The following NAV2 variants were observed in gnomAD, a reference collection of about 807,000 sequenced individuals.
NAV2 encodes the protein neuron navigator 2, also known as helicase, APC down-regulated 1.
Under a neutral mutation model 223.2 loss-of-function variants are expected in NAV2, and 54 were observed. The ratio of observed to expected loss-of-function variants is 0.24; its 90% CI spans 0.19 to 0.30. NAV2 has a LOEUF of 0.30. Ranked by LOEUF, NAV2 falls within the 10% of genes least tolerant of loss-of-function variation. The probability of loss-of-function intolerance (pLI) is 1.00; values close to 1 mark genes in which losing one functional copy is unlikely to be tolerated. For missense variants in NAV2, 2,806 were observed against 3,147.5 expected, an observed-to-expected ratio of 0.89 and a Z score of 2.60; for synonymous variants, 1,279 against 1,239.3, an observed-to-expected ratio of 1.03 and a Z score of -0.67.
intron 1 of NAV2, among the ~76,000 whole-genome samples, chr11:19,449,649 G>C (rs1851718553): frequency 6.6e-6 from 1 of 151,898 alleles, no homozygotes; most frequent in African/African-American, 2.4e-5. Flanking sequence ...GCACGGGGTG[G>C]GGTGCTTTTG....
intron 1 of NAV2, among the ~76,000 whole-genome samples, chr11:19,433,633 C>T (rs1333325896): frequency 1.3e-5 from 2 of 152,192 alleles, no homozygotes; most frequent in African/African-American, 4.8e-5. Context: ...ATGGACCAAG[C>T]ATTTTGTGAG....
At chr11:19,523,526 G>T (rs1478903036) in intron 1 of NAV2, among the ~76,000 whole-genome samples, 1 of 152,182 alleles carries the variant, frequency 6.6e-6, no homozygotes, top group African/African-American at 2.4e-5. Context: ...TTGAAGTTCT[G>T]CCTGAAGCTG....
At chr11:19,420,816 G>A (rs893288955) in intron 1 of NAV2, among the ~76,000 whole-genome samples, 1 of 152,278 alleles carries the variant, frequency 6.6e-6, no homozygotes, top group South Asian at 2.1e-4. Flanking sequence ...TTTTCTGGGT[G>A]CAGTTCAGTA....
At chr11:19,372,715 C>T (rs78502681) in intron 1 of NAV2, among the ~76,000 whole-genome samples, 2,214 of 152,224 alleles carry the variant, frequency 0.015, 60 homozygotes, top group African/African-American at 0.051. Flanking sequence ...GTGGAAAGAG[C>T]GGGCCTGAGA....
chr11:19,487,767 A>G (rs1259022564), intron 1 of NAV2, among the ~76,000 whole-genome samples: 7 of 152,168 alleles, frequency 4.6e-5, no homozygotes, highest in Non-Finnish European at 8.8e-5. Flanking sequence ...GTTTAGATGC[A>G]TCCACTTATA....
chr11:19,687,917 A>T (rs2152250673), intron 1 of NAV2, among the ~76,000 whole-genome samples: 1 of 152,336 alleles, frequency 6.6e-6, no homozygotes, highest in Middle Eastern at 3.4e-3. Flanking sequence ...GGTCATGCTT[A>T]GGGAAGTGTA....
At chr11:20,041,629 G>A (rs1165674649) in intron 12 of NAV2, among the ~76,000 whole-genome samples, 1 of 152,174 alleles carries the variant, frequency 6.6e-6, no homozygotes. Context: ...TTGAATGTAA[G>A]CTCCATGAGG....
chr11:20,011,409 T>C (rs2568124), intron 11 of NAV2, among the ~76,000 whole-genome samples: 149,984 of 152,354 alleles, frequency 0.98, 73,876 homozygotes, highest in Middle Eastern at 1. Flanking sequence ...TTTTTGTTCA[T>C]GTAAGCACTT....
At chr11:20,109,458 A>G (rs996465050) in intron 36 of NAV2, among the ~76,000 whole-genome samples, 2 of 152,234 alleles carry the variant, frequency 1.3e-5, no homozygotes, top group East Asian at 1.9e-4. Context: ...TAAATTGACC[A>G]TAATTTAGTC....
At chr11:19,444,575 C>T (rs1175414366) in intron 1 of NAV2, among the ~76,000 whole-genome samples, 1 of 152,094 alleles carries the variant, frequency 6.6e-6, no homozygotes, top group African/African-American at 2.4e-5. Context: ...CCCACCTGCT[C>T]CTCCCCTCAC....
intron 1 of NAV2, among the ~76,000 whole-genome samples, chr11:19,627,153 T>C (rs1019763693): frequency 3.3e-5 from 5 of 152,272 alleles, no homozygotes; most frequent in African/African-American, 1.2e-4. Context: ...TTTAGGAGGC[T>C]GAGGTGGGTG....
intron 1 of NAV2, among the ~76,000 whole-genome samples, chr11:19,633,575 G>A (rs1487650104): frequency 6.6e-6 from 1 of 152,278 alleles, no homozygotes; most frequent in East Asian, 1.9e-4. Context: ...GTCTGGGGCA[G>A]CCGGCAAATC....
At position 19,832,621 on chromosome 11, in the gene NAV2, TG is replaced by T; in HGVS notation, c.385+25del. On this transcript the variant is annotated intron_variant, in intron 2 of 37. Transcript: ENST00000349880. The stretch of plus-strand genomic sequence containing the variant: ...TTGTGGGTAAGAGCAGATTTTACCT[TG>T]GGGGTAATGAGTTACAGTGGAGCCA... The T allele has an allele frequency of 6.3e-7, 1 of 1,595,542 alleles. No individual in the cohort carries two copies. The highest frequency in any genetic ancestry group is 8.6e-7 in the Non-Finnish European group (1 of 1,163,188).
intron 1 of NAV2, among the ~76,000 whole-genome samples, chr11:19,730,658 C>T (rs1001771846): frequency 6.6e-6 from 1 of 152,234 alleles, no homozygotes; most frequent in Non-Finnish European, 1.5e-5. Context: ...AGGAAGGCAG[C>T]GTGAACCCAG....
At chr11:19,691,866 G>C (rs1590098137) in intron 1 of NAV2, among the ~76,000 whole-genome samples, 1 of 152,186 alleles carries the variant, frequency 6.6e-6, no homozygotes, top group South Asian at 2.1e-4. Flanking sequence ...CCCCTCCCTG[G>C]CTGGCACTAT....
intron 12 of NAV2, among the ~76,000 whole-genome samples, chr11:20,040,416 G>A (rs1393071988): frequency 6.6e-6 from 1 of 152,198 alleles, no homozygotes; most frequent in Admixed American, 6.5e-5. Flanking sequence ...CATCAATGCT[G>A]TAAGAGACCT....
At chr11:19,478,978 T>A (rs552546004) in intron 1 of NAV2, among the ~76,000 whole-genome samples, 15 of 152,162 alleles carry the variant, frequency 9.9e-5, no homozygotes, top group Non-Finnish European at 1.9e-4. Context: ...CTTCCAGAGG[T>A]CTCCCCTGAT....
intron 1 of NAV2, among the ~76,000 whole-genome samples, chr11:19,519,080 G>A (rs1389008112): frequency 6.6e-6 from 1 of 152,304 alleles, no homozygotes. Context: ...AATATCTGTT[G>A]TTTATAAGCC....
chr11:19,822,905 C>G (rs188928131), intron 1 of NAV2, among the ~76,000 whole-genome samples: 4 of 152,286 alleles, frequency 2.6e-5, no homozygotes, highest in South Asian at 4.2e-4. Context: ...TTACCTGGCT[C>G]AAGATCAGCT....
Sources: allele counts gnomAD v4.1 joint callset (sites outside exome capture counted in the v4.1 genomes callset), GRCh38; gene constraint gnomAD v4.1.1; transcripts MANE v1.5; gene names NCBI Gene and HGNC (gene_info 2026-07-23, HGNC 2026-07-21).